KANSL1: variants seen among roughly 807,000 people sequenced by gnomAD.
KANSL1 encodes the protein KAT8 regulatory NSL complex subunit 1.
KANSL1 carries 22 observed loss-of-function variants against 103.6 expected under a neutral mutation model. The ratio of observed to expected loss-of-function variants is 0.21; its 90% confidence interval spans 0.15 to 0.30. The LOEUF (loss-of-function observed/expected upper bound fraction) is 0.30, where lower values mean the gene tolerates loss of function less well. KANSL1 is among the 10% of genes least tolerant of loss of function. The pLI is 1.00. For synonymous variants in KANSL1, 600 were observed against 527.6 expected (o/e 1.14, Z -1.88); for missense variants, 1,337 against 1,399.8 (o/e 0.96, Z 0.72).
chr17:46,171,085 G>T lies in KANSL1; in HGVS notation c.1059C>A (p.Ala353=), dbSNP rs761810633. 8.1e-6 allele frequency: 13 copies of T among 1,614,028 alleles called. No individual in the cohort carries two copies. The East Asian group carries it at 2.5e-4, about 30-fold the overall frequency. The change falls in exon 2 of 15, where the codon GCC becomes GCA. Residue 353 remains alanine, a synonymous_variant. Coordinates refer to ENST00000432791, the MANE Select transcript of KANSL1 (RefSeq NM_015443.4). The part of the protein sequence containing the change: ...QLMLTRKAEA[A]LRKAASETTT... ...TGGTCTCACTGGCAGCTTTTCTCAA[G>T]GCAGCTTCAGCCTTTCGAGTCAGCA... is the stretch of plus-strand genomic sequence containing the variant.
intron 2 of KANSL1, among the ~76,000 whole-genome samples, chr17:46,151,733 A>AT (rs1294008721): frequency 6.6e-6 from 1 of 152,284 alleles, no homozygotes; most frequent in Non-Finnish European, 1.5e-5. Context: ...TGCAACTTAC[A>AT]TAATTTCTTA....
intron 6 of KANSL1, among the ~76,000 whole-genome samples, chr17:46,062,909 G>A (rs1394622232): frequency 6.6e-6 from 1 of 152,014 alleles, no homozygotes; most frequent in Non-Finnish European, 1.5e-5. Flanking sequence ...AAATAGCTGG[G>A]CGTGGTGGCG....
chr17:46,071,025 G>A (rs189901111), intron 4 of KANSL1, among the ~76,000 whole-genome samples: 13 of 152,082 alleles, frequency 8.5e-5, no homozygotes, highest in Non-Finnish European at 1.0e-4. Flanking sequence ...GTAATGTCAC[G>A]ATCCATATAG....
At chr17:46,129,676 C>A (rs1421044864) in intron 2 of KANSL1, among the ~76,000 whole-genome samples, 1 of 152,108 alleles carries the variant, frequency 6.6e-6, no homozygotes. Flanking sequence ...GATTGGAGAT[C>A]ACTTTAAAAA....
chr17:46,210,624 A>C (rs1270539559), intron 1 of KANSL1, among the ~76,000 whole-genome samples: 1 of 152,090 alleles, frequency 6.6e-6, no homozygotes, highest in Non-Finnish European at 1.5e-5. Flanking sequence ...AAGATTGAAA[A>C]TTTTTTTAGA....
At chr17:46,051,724 A>G (rs912243983) in intron 6 of KANSL1, among the ~76,000 whole-genome samples, 1 of 152,258 alleles carries the variant, frequency 6.6e-6, no homozygotes, top group Non-Finnish European at 1.5e-5. Context: ...AGTAGAACAA[A>G]GACAAAAAGC....
intron 2 of KANSL1, among the ~76,000 whole-genome samples, chr17:46,163,273 A>T (rs1181234911): frequency 6.6e-6 from 1 of 152,248 alleles, no homozygotes; most frequent in East Asian, 1.9e-4. Context: ...GAATTAATCA[A>T]ATCCAAACTC....
chr17:46,077,215 C>A (rs1232261987), intron 4 of KANSL1, among the ~76,000 whole-genome samples: 3 of 152,086 alleles, frequency 2.0e-5, no homozygotes, highest in Admixed American at 2.0e-4. Context: ...CCACACCAGG[C>A]TCATTTTTGT....
Position 46,031,276 on chromosome 17 carries a change from T to C in KANSL1, c.*200A>G. The C allele has an allele frequency of 1.6e-6, 1 of 620,864 alleles. No homozygotes were observed. The highest frequency in any genetic ancestry group is 2.8e-6 in the Non-Finnish European group (1 of 357,682). The allele number at this position is 620,864 out of a possible 1,614,324, so 38.5% of individuals were successfully genotyped here. On this transcript the variant is annotated 3_prime_UTR_variant, in exon 15 of 15. Transcript: ENST00000432791. ...TTGCCAACGGGAGGAAGTGCTCAGG[T>C]GTGTGACAAGAAAACATGGAAACAA...
intron 2 of KANSL1, among the ~76,000 whole-genome samples, chr17:46,137,931 T>C (rs908598991): frequency 4.6e-5 from 7 of 151,670 alleles, no homozygotes; most frequent in Admixed American, 2.0e-4. Flanking sequence ...AAAATTCAGA[T>C]GAAAAGGTGT....
At position 46,043,812 on chromosome 17, in the gene KANSL1, A is replaced by G. The variant is rs532307975; in HGVS notation, c.2021-3928T>C. On this transcript the variant is annotated intron_variant, in intron 7 of 14. Coordinates refer to ENST00000432791, the MANE Select transcript of KANSL1 (RefSeq NM_015443.4). ...CATTGTAGAACCCAAGTCATGGAACACTACCTTGTACTCTCCAGTTGACGT... is the reference window on the plus strand; with the variant it reads ...CATTGTAGAACCCAAGTCATGGAACGCTACCTTGTACTCTCCAGTTGACGT... The G allele has an allele frequency of 1.8e-4, 28 of 152,206 alleles. 1 individual carries two copies. The highest frequency in any genetic ancestry group is 4.1e-4 in the Non-Finnish European group (28 of 68,040). 9.4% of individuals were successfully genotyped at this position (152,206 alleles called of 1,614,324 possible). A position where few individuals can be genotyped will look rare whatever the true frequency, so the allele number is the denominator to read the frequency against.
At chr17:46,100,088 A>G (rs1052471873) in intron 2 of KANSL1, among the ~76,000 whole-genome samples, 33 of 152,310 alleles carry the variant, frequency 2.2e-4, no homozygotes, top group African/African-American at 7.7e-4. Flanking sequence ...CAGTTAGACT[A>G]TTACCACAGA....
intron 6 of KANSL1, among the ~76,000 whole-genome samples, chr17:46,060,827 C>T (rs1284097052): frequency 6.6e-6 from 1 of 152,086 alleles, no homozygotes; most frequent in Non-Finnish European, 1.5e-5. Flanking sequence ...ATGCCCTGTA[C>T]AAAAATGTCA....
intron 6 of KANSL1, among the ~76,000 whole-genome samples, chr17:46,059,647 A>AAAGAGAGAC (rs541946204): frequency 3.6e-5 from 2 of 54,832 alleles, no homozygotes; most frequent in African/African-American, 1.3e-4. Flanking sequence ...AAAAAAAAAA[A>AAAGAGAGAC]AGAGAGAGAG....
intron 1 of KANSL1, among the ~76,000 whole-genome samples, chr17:46,188,688 T>C (rs1316799112): frequency 1.3e-5 from 2 of 152,080 alleles, no homozygotes; most frequent in Non-Finnish European, 2.9e-5. Context: ...GGCAGGAACA[T>C]TTAAAATGAA....
chr17:46,130,397 A>T (rs1403495657), intron 2 of KANSL1, among the ~76,000 whole-genome samples: 1 of 152,216 alleles, frequency 6.6e-6, no homozygotes, highest in African/African-American at 2.4e-5. Flanking sequence ...GATTTAAATA[A>T]AAGTCTTTTA....
chr17:46,119,135 T>C (rs1030795000), intron 2 of KANSL1, among the ~76,000 whole-genome samples: 3 of 152,220 alleles, frequency 2.0e-5, no homozygotes, highest in African/African-American at 7.2e-5. Context: ...TGCTACAACA[T>C]TACATGACTT....
At chr17:46,034,396 T>C in intron 10 of KANSL1, 111 bp from the exon 11 acceptor site, 1 of 1,236,908 alleles carries the variant, frequency 8.1e-7, no homozygotes, top group Non-Finnish European at 1.2e-6. Context: ...GGTCCTTGGG[T>C]TGAAGCTGAG....
chr17:46,147,263 T>C (rs2044759514), intron 2 of KANSL1, among the ~76,000 whole-genome samples: 1 of 152,116 alleles, frequency 6.6e-6, no homozygotes, highest in South Asian at 2.1e-4. Flanking sequence ...GAATATGCTG[T>C]AAAGAGAAGG....
Sources: allele counts gnomAD v4.1 joint callset (sites outside exome capture counted in the v4.1 genomes callset), GRCh38; gene constraint gnomAD v4.1.1; transcripts MANE v1.5; gene names NCBI Gene and HGNC (gene_info 2026-07-23, HGNC 2026-07-21).